Variants in GAS6 observed in about 807,000 individuals in gnomAD.
GAS6 encodes the protein growth arrest-specific protein 6.
In GAS6, 41 loss-of-function variants were observed where a neutral mutation model predicts 75.8. The ratio of observed to expected loss-of-function variants is 0.54; its 90% CI spans 0.42 to 0.70. The LOEUF (loss-of-function observed/expected upper bound fraction) is 0.70. GAS6 is among the 30% of genes least tolerant of loss of function. GAS6 has a pLI of 0.00. For synonymous variants in GAS6, 432 were observed against 412.6 expected (o/e 1.05, Z -0.57); for missense variants, 854 against 940.2 (o/e 0.91, Z 1.20).
chr13:113,835,724 C>T, intron 6 of GAS6, 89 bp from the exon 7 acceptor site: 1 of 1,540,100 alleles, frequency 6.5e-7, no homozygotes, highest in South Asian at 1.2e-5. Flanking sequence ...GCCAGGGCAC[C>T]ACCCAGAGGT....
chr13:113,842,560 G>T (rs1320603372), intron 4 of GAS6: 16 of 396,750 alleles, frequency 4.0e-5, no homozygotes, highest in Non-Finnish European at 3.5e-5. Context: ...GCCTGGAACG[G>T]GGAGGTCTGG....
Position 113,838,136 on chromosome 13 carries a change from C to T in GAS6, c.522G>A (p.Lys174=). ...NGGCLQICHN[K]PGSFHCSCHS... ...GGCAGGAACAGTGGAAGCTACCCGG[C>T]TTGTTGTGGCAGATCTGGAGGCAGC... Residue 174 remains lysine (K), a synonymous_variant, in exon 6 of 15, where the codon AAG becomes AAA. Coordinates refer to ENST00000327773, the MANE Select transcript of GAS6 (RefSeq NM_000820.4). 1 of 1,612,892 alleles carries T rather than the reference C, an allele frequency of 6.2e-7. No homozygotes were observed. The highest frequency in any genetic ancestry group is 8.5e-7 in the Non-Finnish European group (1 of 1,179,922).
In GAS6 at chr13:113,820,604, G is replaced by A. The variant is rs1422498115; in HGVS notation, c.*260C>T. On this transcript the variant is annotated 3_prime_UTR_variant, in exon 15 of 15. Transcript: ENST00000327773. ...CCATATTTTAGAGTCAGAAAGAAGCGCTTGGTAATAAAAATAATAGAGAAT... is the reference window on the plus strand; with the variant it reads ...CCATATTTTAGAGTCAGAAAGAAGCACTTGGTAATAAAAATAATAGAGAAT... The A allele has an allele frequency of 6.5e-6, 3 of 464,532 alleles. No individual in the cohort carries two copies. Among genetic ancestry groups the A allele is most frequent in the African/African-American group, 1.9e-5 (1 of 52,224 alleles). 28.8% of individuals were successfully genotyped at this position (464,532 alleles called of 1,614,324 possible).
intron 2 of GAS6, among the ~76,000 whole-genome samples, chr13:113,862,040 G>A (rs2051975870): frequency 6.6e-6 from 1 of 152,170 alleles, no homozygotes; most frequent in South Asian, 2.1e-4. Context: ...TAAAGTGATG[G>A]GGTCCTGAGT....
chr13:113,833,590 C>CAGGTCGGTGTGAT (rs1396235251), intron 8 of GAS6: 1 of 1,019,886 alleles, frequency 9.8e-7, no homozygotes, highest in Non-Finnish European at 1.2e-6. Context: ...GTCAGTGTGA[C>CAGGTCGGTGTGAT]AGGTCGGTGT....
rs967004984 is a variant in GAS6 at position 113,837,187 on chromosome 13, G to A, written c.589+882C>T. 2.6e-5 allele frequency among the ~76,000 whole-genome samples: 4 copies of A among 152,088 alleles called. No individual in the cohort carries two copies. The highest frequency in any genetic ancestry group is 7.2e-5 in the African/African-American group (3 of 41,436). ...GTTTATGTGTTAAGATGGGAATCAC[G>A]TCATCTGCACACAGGGCTAACTCCT... On this transcript the variant is annotated intron_variant, in intron 6 of 14. Coordinates refer to ENST00000327773, the MANE Select transcript of GAS6 (RefSeq NM_000820.4). This position sits in a 1 kb window ranked among gnomAD's most constrained non-coding sequence, Gnocchi z 5.1.
intron 2 of GAS6, among the ~76,000 whole-genome samples, chr13:113,858,375 G>A (rs562903758): frequency 2.0e-5 from 3 of 152,208 alleles, no homozygotes; most frequent in Admixed American, 1.3e-4. Context: ...GTGCATGTGT[G>A]TGCATGTCTG....
chr13:113,821,042 A>G (rs776854368), intron 14 of GAS6, 24 bp from the exon 15 acceptor site: 35 of 1,606,044 alleles, frequency 2.2e-5, no homozygotes, highest in Admixed American at 1.7e-4. Context: ...AGAGAACAAC[A>G]TATCTTAGCT....
At chr13:113,834,881 G>C in intron 7 of GAS6, 1 of 446,278 alleles carries the variant, frequency 2.2e-6, no homozygotes, top group Non-Finnish European at 3.8e-6. Context: ...CTTTCTTGAG[G>C]GAATAAAAAT....
intron 2 of GAS6, among the ~76,000 whole-genome samples, chr13:113,859,518 GTTTA>G (rs1463534620): frequency 6.6e-6 from 1 of 151,450 alleles, no homozygotes; most frequent in East Asian, 1.9e-4. Flanking sequence ...GTGTGTGCCT[GTTTA>G]TGTGTGTGCA....
Position 113,863,912 on chromosome 13 carries a change from A to C in GAS6, c.9T>G (p.Pro3=). MA[P]SLSPGPAALR... ...GGGCGGCGGGCCCGGGCGAGAGCGAAGGGGCCATGGCGGGCCGGGGACGCG... is the reference window on the plus strand; with the variant it reads ...GGGCGGCGGGCCCGGGCGAGAGCGACGGGGCCATGGCGGGCCGGGGACGCG... Residue 3 remains proline (P), a synonymous_variant, in exon 1 of 15, where the codon CCT becomes CCG. Coordinates refer to ENST00000327773, the MANE Select transcript of GAS6 (RefSeq NM_000820.4). The surrounding 1 kb of genome is among the most constrained non-coding windows in gnomAD (Gnocchi z 9.4). 2.6e-6 allele frequency: 3 copies of C among 1,168,232 alleles called. No individual in the cohort carries two copies. Among genetic ancestry groups the C allele is most frequent in the Non-Finnish European group, 3.2e-6 (3 of 949,030 alleles). 72.4% of individuals were successfully genotyped at this position (1,168,232 alleles called of 1,614,324 possible). A position where few individuals can be genotyped will look rare whatever the true frequency, so the allele number is the denominator to read the frequency against.
At position 113,827,173 on chromosome 13, in the gene GAS6, GC is replaced by G. The variant is rs1566355586; in HGVS notation, c.1309-10del. ...TCCAGACGAGGGTTTATCTGGAAAG[GC>G]AGAGAAATCTCCGTGGCTTCCTGGG... On this transcript the variant is annotated splice_polypyrimidine_tract_variant and intron_variant, in intron 11 of 14. Transcript: ENST00000327773. 6.2e-7 allele frequency: 1 copy of G among 1,608,440 alleles called. No individual in the cohort carries two copies. The highest frequency in any genetic ancestry group is 8.5e-7 in the Non-Finnish European group (1 of 1,176,612).
chr13:113,842,060 G>GTATGCCCCAGTTTCCTCCA (rs2051789687), intron 4 of GAS6: 2 of 84,552 alleles, frequency 2.4e-5, no homozygotes, highest in South Asian at 5.0e-4. Context: ...AATTTCCTTT[G>GTATGCCCCAGTTTCCTCCA]TACGCCCCAG....
intron 2 of GAS6, among the ~76,000 whole-genome samples, chr13:113,852,507 C>T (rs2051883747): frequency 6.6e-6 from 1 of 152,274 alleles, no homozygotes; most frequent in Admixed American, 6.5e-5. Context: ...AACATGAGGC[C>T]CCAAATTTGT....
At chr13:113,842,634 G>T (rs1266499968) in intron 4 of GAS6, 2 of 397,174 alleles carry the variant, frequency 5.0e-6, no homozygotes, top group Admixed American at 8.8e-5. Context: ...AAGAGGCTCT[G>T]GGGGCAGGAG....
Position 113,863,488 on chromosome 13 carries a change from G to A in GAS6, c.255+87C>T, listed in dbSNP as rs1377508759. ...GCCAGGCCTCGCCGCGCGGAGCTGG[G>A]GGGCGGCAGCAGCGCTGCCTCTCGG... On this transcript the variant is annotated intron_variant, in intron 2 of 14. Coordinates refer to ENST00000327773, the MANE Select transcript of GAS6 (RefSeq NM_000820.4). This position sits in a 1 kb window ranked among gnomAD's most constrained non-coding sequence, Gnocchi z 9.4. 6 of 1,321,278 alleles carry A rather than the reference G, an allele frequency of 4.5e-6. No homozygotes were observed. The highest frequency in any genetic ancestry group is 3.5e-5 in the Admixed American group (1 of 28,520). The allele number at this position is 1,321,278 out of a possible 1,614,324, so 81.8% of individuals were successfully genotyped here. A position where few individuals can be genotyped will look rare whatever the true frequency, so the allele number is the denominator to read the frequency against.
Position 113,848,370 on chromosome 13 carries a change from T to C in GAS6, c.256-320A>G, listed in dbSNP as rs571968747. Reference sequence around the variant, plus strand: ...AAGGGTCTCTAAAACCCAAAGACCTTAGTTCCCTGTTGACACAAAGGTCTC... The same window carrying C: ...AAGGGTCTCTAAAACCCAAAGACCTCAGTTCCCTGTTGACACAAAGGTCTC... On this transcript the variant is annotated intron_variant, in intron 2 of 14. Coordinates refer to ENST00000327773, the MANE Select transcript of GAS6 (RefSeq NM_000820.4). The surrounding 1 kb of genome is among the most constrained non-coding windows in gnomAD (Gnocchi z 4.8). 6.6e-6 allele frequency among the ~76,000 whole-genome samples: 1 copy of C among 152,306 alleles called. No individual in the cohort carries two copies. The highest frequency in any genetic ancestry group is 2.1e-4 in the South Asian group (1 of 4,822).
At chr13:113,847,032 G>T in intron 3 of GAS6, 1 of 508,070 alleles carries the variant, frequency 2.0e-6, no homozygotes. Context: ...CAGCTTGACA[G>T]CAGACATCCC....
At chr13:113,824,298 G>A (rs1194503019) in intron 12 of GAS6, among the ~76,000 whole-genome samples, 6 of 129,904 alleles carry the variant, frequency 4.6e-5, no homozygotes, top group Non-Finnish European at 7.9e-5. Flanking sequence ...GCGCGGTCTG[G>A]GGTCTGAGCT....
Sources: allele counts gnomAD v4.1 joint callset (sites outside exome capture counted in the v4.1 genomes callset), GRCh38; gene constraint gnomAD v4.1.1; non-coding constraint Gnocchi (gnomAD v3.1); transcripts MANE v1.5; gene names NCBI Gene and HGNC (gene_info 2026-07-23, HGNC 2026-07-21).